The following CDC40 variants were observed in gnomAD, a reference collection of about 807,000 sequenced individuals.
The protein encoded by CDC40 is cell division cycle 40.
Under a neutral mutation model 80.6 loss-of-function variants are expected in CDC40, and 27 were observed. The ratio of observed to expected loss-of-function variants is 0.33; its 90% CI spans 0.25 to 0.46. The LOEUF (loss-of-function observed/expected upper bound fraction) is 0.46, where lower values mean the gene tolerates loss of function less well. CDC40 is among the 20% of genes least tolerant of loss of function. The pLI is 1.00. For missense variants in CDC40, 486 were observed against 694.1 expected (o/e 0.70, Z 3.37); for synonymous variants, 221 against 232.6 (o/e 0.95, Z 0.45).
chr6:110,229,002 C>G, intron 14 of CDC40, 26 bp downstream of exon 14: 1 of 1,558,094 alleles, frequency 6.4e-7, no homozygotes, highest in Non-Finnish European at 8.7e-7. Context: ...CTAATCCATT[C>G]TCGTATTCAA....
At chr6:110,217,957 T>G (rs183133560) in intron 10 of CDC40, among the ~76,000 whole-genome samples, 154 bp downstream of exon 10, 30 of 152,266 alleles carry the variant, frequency 2.0e-4, no homozygotes, top group African/African-American at 6.8e-4. Flanking sequence ...CATTTGTAAG[T>G]CGAAACTGAG....
chr6:110,199,487 G>A (rs1222812103), intron 2 of CDC40, among the ~76,000 whole-genome samples: 1 of 151,770 alleles, frequency 6.6e-6, no homozygotes, highest in African/African-American at 2.4e-5. Context: ...CCAGCTACTC[G>A]GGAGGCTGAG....
chr6:110,226,390 A>T (rs1349988381), intron 13 of CDC40, 147 bp downstream of exon 13: 2 of 446,128 alleles, frequency 4.5e-6, no homozygotes, highest in Non-Finnish European at 7.9e-6. Context: ...AATATTAGAA[A>T]GAATTACTGG....
chr6:110,220,590 G>A (rs1055641766), intron 12 of CDC40, among the ~76,000 whole-genome samples: 20 of 151,772 alleles, frequency 1.3e-4, no homozygotes, highest in African/African-American at 2.2e-4. Context: ...GACTACAGGC[G>A]CCCGCCACCA....
At chr6:110,209,416 TG>T (rs1777604863) in intron 5 of CDC40, 193 bp downstream of exon 5, 3 of 472,036 alleles carry the variant, frequency 6.4e-6, no homozygotes, top group Non-Finnish European at 1.1e-5. Flanking sequence ...CCTTTTCTGC[TG>T]ATTTGTTTTC....
chr6:110,209,352 G>T (rs750167096), intron 5 of CDC40, 129 bp downstream of exon 5: 10 of 657,630 alleles, frequency 1.5e-5, no homozygotes, highest in Non-Finnish European at 2.6e-5. Context: ...GCCTTTAGTT[G>T]ATTGAAAATA....
At chr6:110,196,901 A>G (rs1416231179) in intron 2 of CDC40, among the ~76,000 whole-genome samples, 1 of 152,212 alleles carries the variant, frequency 6.6e-6, no homozygotes, top group Non-Finnish European at 1.5e-5. Context: ...TAATGACTGC[A>G]GTAAATATGA....
chr6:110,225,149 G>A (rs2114673476), intron 12 of CDC40, among the ~76,000 whole-genome samples: 1 of 152,148 alleles, frequency 6.6e-6, no homozygotes, highest in Admixed American at 6.5e-5. Context: ...CTGGATGGAT[G>A]GATAAATAGA....
chr6:110,203,853 G>T (rs1317387677), intron 3 of CDC40, among the ~76,000 whole-genome samples: 1 of 151,816 alleles, frequency 6.6e-6, no homozygotes, highest in Non-Finnish European at 1.5e-5. Context: ...TCTTACTTGG[G>T]GCTTCTCAAT....
intron 1 of CDC40, among the ~76,000 whole-genome samples, chr6:110,191,103 T>G (rs1269254728): frequency 1.3e-5 from 2 of 152,160 alleles, no homozygotes; most frequent in Admixed American, 1.3e-4. Flanking sequence ...GTAGAGAAAC[T>G]AAGTTGCCTG....
At chr6:110,205,769 T>C (rs994805182) in intron 3 of CDC40, among the ~76,000 whole-genome samples, 1 of 151,720 alleles carries the variant, frequency 6.6e-6, no homozygotes. Flanking sequence ...GATACGTTTT[T>C]TATTATTGAA....
rs377407493 is a variant in CDC40, at chr6:110,217,752, T to A, written c.1039T>A (p.Phe347Ile). Residue 347 changes from phenylalanine to isoleucine, a missense_variant, in exon 10 of 15, where the codon TTC becomes ATC. Around this residue, in one of 3 missense-constraint regions of CDC40, gnomAD observed 381 missense variants for 492.1 expected, o/e 0.77. Coordinates refer to ENST00000307731, the MANE Select transcript of CDC40 (RefSeq NM_015891.3). ...DICFNTAGTQ[F>I]LSAAYDRYLK... ...CTGCTTCAATACTGCAGGAACACAG[T>A]TCCTCAGTGCAGCCTATGACAGGTA... is the stretch of plus-strand genomic sequence containing the variant. The A allele has an allele frequency of 3.7e-6, 6 of 1,608,774 alleles. No individual in the cohort carries two copies. The highest frequency in any genetic ancestry group is 8.5e-7 in the Non-Finnish European group (1 of 1,175,296).
chr6:110,199,037 G>C (rs1463424587), intron 2 of CDC40: 1 of 152,076 alleles, frequency 6.6e-6, no homozygotes. Flanking sequence ...ATGTCTTTAA[G>C]GTCAGCTCCA....
chr6:110,185,347 A>G (rs1777253319), intron 1 of CDC40, among the ~76,000 whole-genome samples: 1 of 140,502 alleles, frequency 7.1e-6, no homozygotes, highest in African/African-American at 2.7e-5. Context: ...GGTTCACGCC[A>G]TTCTCCTGCC....
intron 12 of CDC40, among the ~76,000 whole-genome samples, chr6:110,220,799 A>G (rs1256660874): frequency 7.9e-5 from 12 of 152,294 alleles, no homozygotes; most frequent in Non-Finnish European, 1.6e-4. Context: ...GCCAAGTGAA[A>G]GGGGTTTCAC....
rs114592875 is a variant in CDC40, at chr6:110,186,471, A to C, written c.189+5838A>C. On this transcript the variant is annotated intron_variant, in intron 1 of 14. Coordinates refer to ENST00000307731, the MANE Select transcript of CDC40 (RefSeq NM_015891.3). ...TGCACTCCAGCCTGGGAGACAGAGT[A>C]AGACCCTGTCTCATAAATAAATAAA... 7.2e-5 allele frequency among the ~76,000 whole-genome samples: 11 copies of C among 152,022 alleles called. No homozygotes were observed. The East Asian group carries it at 1.7e-3, about 24-fold the overall frequency.
intron 8 of CDC40, among the ~76,000 whole-genome samples, chr6:110,213,853 G>A (rs1236171343): frequency 1.3e-5 from 2 of 152,064 alleles, no homozygotes; most frequent in Non-Finnish European, 2.9e-5. Flanking sequence ...TTCAGTCATA[G>A]AATGTGTGGT....
At chr6:110,187,513 CAG>C (rs1427301056) in intron 1 of CDC40, among the ~76,000 whole-genome samples, 2 of 152,152 alleles carry the variant, frequency 1.3e-5, no homozygotes, top group African/African-American at 4.8e-5. Context: ...GGGCCAAACT[CAG>C]AGGATATCTT....
intron 3 of CDC40, among the ~76,000 whole-genome samples, chr6:110,206,240 C>G (rs1777561484): frequency 1.3e-5 from 2 of 152,148 alleles, no homozygotes; most frequent in South Asian, 4.1e-4. Context: ...CCGGTTCACA[C>G]CATTCTCCTG....
Sources: allele counts gnomAD v4.1 joint callset (sites outside exome capture counted in the v4.1 genomes callset), GRCh38; gene constraint gnomAD v4.1.1; regional missense constraint gnomAD v4.1.1; transcripts MANE v1.5; gene names NCBI Gene and HGNC (gene_info 2026-07-23, HGNC 2026-07-21).